Variants in CACNA1D observed in about 807,000 individuals in gnomAD.
CACNA1D encodes the protein voltage-dependent L-type calcium channel subunit alpha-1D.
Under a neutral mutation model 257.1 loss-of-function variants are expected in CACNA1D, and 55 were observed. That is an observed-to-expected ratio of 0.21 (90% CI 0.17 to 0.27). The LOEUF is 0.27. Ranked by LOEUF, CACNA1D falls within the 10% of genes least tolerant of loss-of-function variation. CACNA1D has a pLI of 1.00. For synonymous variants in CACNA1D, 980 were observed against 1,014.9 expected (o/e 0.97, Z 0.65); for missense variants, 1,876 against 2,784.0 (o/e 0.67, Z 7.34).
At chr3:53,742,922 T>C (rs2095131675) in intron 21 of CACNA1D, 89 bp from the exon 22 acceptor site, 1 of 837,716 alleles carries the variant, frequency 1.2e-6, no homozygotes, top group African/African-American at 1.7e-5. Flanking sequence ...GTTAATGAAG[T>C]TATACTTTCC....
intron 7 of CACNA1D, among the ~76,000 whole-genome samples, chr3:53,670,917 G>T (rs1373061881): frequency 6.6e-6 from 1 of 152,176 alleles, no homozygotes; most frequent in Admixed American, 6.5e-5. Context: ...GCTTGGCTCT[G>T]AAAAGGGACT....
chr3:53,737,268 C>G (rs138047774), intron 20 of CACNA1D, among the ~76,000 whole-genome samples: 1 of 152,298 alleles, frequency 6.6e-6, no homozygotes, highest in East Asian at 1.9e-4. Flanking sequence ...AAGTGAGACT[C>G]TGTCTCAAAA....
In CACNA1D at chr3:53,723,623, G is replaced by A. The variant is rs2094903479; in HGVS notation, c.1856G>A (p.Arg619Gln). ...TCTCCCCTGGGGATCTCTGTGTTTC[G>A]GTGTGTGCGCCTCTTAAGAATCTTC... ...IMSPLGISVFRCVRLLRIFKV... is the reference protein window; with the variant it reads ...IMSPLGISVFQCVRLLRIFKV... Residue 619 changes from arginine to glutamine, a missense_variant, in exon 13 of 48, where the codon CGG (arginine) becomes CAG (glutamine). By Grantham distance (43) the Arg-to-Gln change is conservative. Around this residue, in one of 10 missense-constraint regions of CACNA1D, gnomAD observed 257 missense variants for 399.7 expected, o/e 0.64. Coordinates refer to ENST00000350061, the MANE Select transcript of CACNA1D (RefSeq NM_001128840.3). This position sits in a 1 kb window ranked among gnomAD's most constrained non-coding sequence, Gnocchi z 5.6. The A allele has an allele frequency of 3.1e-6, 5 of 1,613,954 alleles. No homozygotes were observed. Among genetic ancestry groups the A allele is most frequent in the South Asian group, 2.2e-5 (2 of 91,078 alleles).
chr3:53,718,951 T>C (rs2094851827), intron 10 of CACNA1D, among the ~76,000 whole-genome samples: 1 of 151,408 alleles, frequency 6.6e-6, no homozygotes, highest in African/African-American at 2.4e-5. Context: ...CACCAGCCTC[T>C]CCTCATGATG....
chr3:53,585,546 A>G (rs566104256), intron 3 of CACNA1D, among the ~76,000 whole-genome samples: 2 of 152,138 alleles, frequency 1.3e-5, no homozygotes, highest in South Asian at 4.2e-4. Context: ...TTGTGATTCT[A>G]CCTCCCTAAC....
intron 3 of CACNA1D, among the ~76,000 whole-genome samples, chr3:53,574,588 C>T (rs186032894): frequency 3.3e-5 from 5 of 152,296 alleles, no homozygotes; most frequent in South Asian, 2.1e-4. Context: ...TTAAATTCTA[C>T]GAGAAGTCCA....
intron 3 of CACNA1D, among the ~76,000 whole-genome samples, chr3:53,597,618 A>G (rs76317072): frequency 0.032 from 4,885 of 152,244 alleles, 276 homozygotes; most frequent in African/African-American, 0.11. Context: ...CTCCTTTCCC[A>G]TCTCTCTAAT....
intron 3 of CACNA1D, among the ~76,000 whole-genome samples, chr3:53,518,244 G>T (rs1057169893): frequency 3.3e-5 from 5 of 152,210 alleles, no homozygotes; most frequent in Non-Finnish European, 7.3e-5. Flanking sequence ...ACTTGCTTGT[G>T]TTTGATCTTA....
At position 53,497,146 on chromosome 3, in the gene CACNA1D, C is replaced by T. The variant is rs754407641; in HGVS notation, c.68-6C>T. On this transcript the variant is annotated splice_region_variant and splice_polypyrimidine_tract_variant and intron_variant, in intron 1 of 47. Coordinates refer to ENST00000350061, the MANE Select transcript of CACNA1D (RefSeq NM_001128840.3). ...AAAAAATCTTTGTTTTTCTCCTTCT[C>T]CCCAGAGGCAAACTATGCAAGAGGC... 2 of 1,613,388 alleles carry T rather than the reference C, an allele frequency of 1.2e-6. No homozygotes were observed. The highest frequency in any genetic ancestry group is 1.7e-6 in the Non-Finnish European group (2 of 1,179,564).
At chr3:53,794,684 G>A (rs770515518) in intron 40 of CACNA1D, among the ~76,000 whole-genome samples, 2 of 152,182 alleles carry the variant, frequency 1.3e-5, no homozygotes, top group Non-Finnish European at 2.9e-5. Context: ...AAATTAAAAC[G>A]GAGCAGTTTT....
Position 53,740,280 on chromosome 3 carries a change from A to T in CACNA1D, c.2752A>T (p.Ile918Leu). The T allele has an allele frequency of 6.2e-7, 1 of 1,608,560 alleles. No homozygotes were observed. The highest frequency in any genetic ancestry group is 8.5e-7 in the Non-Finnish European group (1 of 1,174,890). ...PIRSHSFRNT[I>L]LGYFDYAFTA... ...CACTCCCACATGTTGTGCCTTGCAG[A>T]TACTGGGTTACTTTGACTATGCCTT... The change falls in exon 21 of 48, where the codon ATA becomes TTA. Residue 918 changes from isoleucine to leucine, a missense_variant and splice_region_variant. Coordinates refer to ENST00000350061, the MANE Select transcript of CACNA1D (RefSeq NM_001128840.3).
At chr3:53,566,550 C>T (rs1204525504) in intron 3 of CACNA1D, among the ~76,000 whole-genome samples, 1 of 152,066 alleles carries the variant, frequency 6.6e-6, no homozygotes, top group Non-Finnish European at 1.5e-5. Context: ...CCCTCGCTTC[C>T]CCTCCCCACA....
chr3:53,500,253 T>TAAAAAAA (rs55823212), intron 2 of CACNA1D, among the ~76,000 whole-genome samples: 9 of 40,950 alleles, frequency 2.2e-4, no homozygotes, highest in East Asian at 1.9e-3. Flanking sequence ...CTGTCTCTAC[T>TAAAAAAA]AAAAAAAAAA....
chr3:53,714,317 C>G (rs573624174), intron 9 of CACNA1D, among the ~76,000 whole-genome samples: 2 of 152,284 alleles, frequency 1.3e-5, no homozygotes, highest in East Asian at 3.9e-4. Context: ...CAGCAATTAA[C>G]ACTGAATCCC....
intron 3 of CACNA1D, among the ~76,000 whole-genome samples, chr3:53,508,745 C>G (rs953214933): frequency 2.0e-5 from 3 of 152,150 alleles, no homozygotes; most frequent in African/African-American, 7.2e-5. Flanking sequence ...TACAGGGTGA[C>G]AGCATGCCCA....
chr3:53,682,365 T>TAAAAAAAAAAAACAA (rs2094437885), intron 8 of CACNA1D, among the ~76,000 whole-genome samples: 2 of 47,386 alleles, frequency 4.2e-5, no homozygotes, highest in Non-Finnish European at 7.4e-5. Context: ...TTGTCTCTGG[T>TAAAAAAAAAAAACAA]AAAAAAAAAA....
Position 53,664,470 on chromosome 3 carries a change from G to A in CACNA1D, c.767-1190G>A, listed in dbSNP as rs542431367. 3.9e-5 allele frequency among the ~76,000 whole-genome samples: 6 copies of A among 152,260 alleles called. 1 individual carries two copies. The South Asian group carries it at 1.2e-3, about 32-fold the overall frequency. On this transcript the variant is annotated intron_variant, in intron 5 of 47. Coordinates refer to ENST00000350061, the MANE Select transcript of CACNA1D (RefSeq NM_001128840.3). ...CCTTTTGCTAGTGATCTAAAGTTTG[G>A]CTTCATGACCTGGATTCAACACCCA...
chr3:53,647,241 C>T (rs1272097346), intron 3 of CACNA1D, among the ~76,000 whole-genome samples: 1 of 152,162 alleles, frequency 6.6e-6, no homozygotes, highest in African/African-American at 2.4e-5. Flanking sequence ...AGAAGAAATC[C>T]CTGCTGGTGG....
chr3:53,636,722 G>A (rs994181856), intron 3 of CACNA1D, among the ~76,000 whole-genome samples: 2 of 152,184 alleles, frequency 1.3e-5, no homozygotes, highest in African/African-American at 4.8e-5. Context: ...AATTTCATAT[G>A]TATTTTATTT....
Sources: gnomAD v4.1 joint callset for allele counts (sites outside exome capture counted in the v4.1 genomes callset) on GRCh38, gnomAD v4.1.1 for gene constraint, gnomAD v4.1.1 regional missense constraint, Gnocchi (gnomAD v3.1) non-coding constraint, MANE v1.5 for transcripts, NCBI Gene and HGNC (gene_info 2026-07-23, HGNC 2026-07-21) for gene names.